PRIM2: variants seen among roughly 807,000 people sequenced by gnomAD.
PRIM2 encodes the protein DNA primase subunit 2, also known as DNA primase large subunit.
PRIM2 carries 39 observed loss-of-function variants against 67.3 expected under a neutral mutation model. The observed-to-expected ratio is 0.58, with a 90% confidence interval of 0.45 to 0.76. PRIM2 has a LOEUF of 0.76. Among genes scored for constraint, PRIM2 ranks in the 30% least tolerant of loss-of-function variants. PRIM2 has a pLI of 0.00. For synonymous variants in PRIM2, 143 were observed against 198.7 expected (o/e 0.72, Z 2.36); for missense variants, 398 against 598.7 (o/e 0.66, Z 3.50).
intron 7 of PRIM2, among the ~76,000 whole-genome samples, chr6:57,504,569 A>G (rs1285498187): frequency 5.3e-5 from 8 of 152,092 alleles, no homozygotes; most frequent in African/African-American, 1.7e-4. Flanking sequence ...GCCAAATTCT[A>G]TGATGGTTCC....
chr6:57,367,661 G>C (rs1224753651), intron 5 of PRIM2, among the ~76,000 whole-genome samples: 1 of 152,178 alleles, frequency 6.6e-6, no homozygotes, highest in African/African-American at 2.4e-5. Flanking sequence ...TTGACAACTA[G>C]TCTGGTCTAG....
the PRIM2 span, among the ~76,000 whole-genome samples, chr6:57,242,857 A>G: frequency 6.6e-6 from 1 of 152,192 alleles, no homozygotes; most frequent in African/African-American, 2.4e-5. Flanking sequence ...GTTTGCCTTG[A>G]GTTTTGTGCT....
the PRIM2 span, chr6:57,222,038 G>C: frequency 2.0e-5 from 3 of 152,396 alleles, no homozygotes; most frequent in Admixed American, 6.5e-5. Flanking sequence ...CCCACCGGCC[G>C]CGGACCCGCC....
the PRIM2 span, among the ~76,000 whole-genome samples, chr6:57,224,396 T>C: frequency 6.6e-6 from 1 of 152,052 alleles, no homozygotes; most frequent in African/African-American, 2.4e-5. Flanking sequence ...GTCAAATTCA[T>C]AGAGACAGTT....
At chr6:57,582,320 G>A (rs1428571870) in intron 10 of PRIM2, among the ~76,000 whole-genome samples, 3 of 152,110 alleles carry the variant, frequency 2.0e-5, no homozygotes, top group South Asian at 2.1e-4. Flanking sequence ...AAGCAATGGC[G>A]TGTTCTATAT....
At chr6:57,329,130 G>GT (rs554242555) in intron 5 of PRIM2, among the ~76,000 whole-genome samples, 17,744 of 146,224 alleles carry the variant, frequency 0.12, 1,121 homozygotes, top group African/African-American at 0.15. Context: ...CAACAAAAAG[G>GT]TTTTTTTTTT....
At chr6:57,643,969 A>C (rs1331719991) in intron 13 of PRIM2, among the ~76,000 whole-genome samples, 2 of 152,222 alleles carry the variant, frequency 1.3e-5, no homozygotes, top group Non-Finnish European at 2.9e-5. Flanking sequence ...TGGTCCGTCC[A>C]CCAGTAGGGT....
At chr6:57,399,790 A>G (rs1397754846) in intron 7 of PRIM2, among the ~76,000 whole-genome samples, 2 of 151,998 alleles carry the variant, frequency 1.3e-5, no homozygotes, top group Admixed American at 1.3e-4. Flanking sequence ...TCTGATGGCC[A>G]GTGATGATGA....
chr6:57,279,714 G>A, the PRIM2 span, among the ~76,000 whole-genome samples: 5 of 152,208 alleles, frequency 3.3e-5, no homozygotes, highest in Non-Finnish European at 5.9e-5. Context: ...AGGCTCCAAA[G>A]CCTGGATAAT....
At chr6:57,433,623 C>T (rs1205699075) in intron 7 of PRIM2, among the ~76,000 whole-genome samples, 3 of 152,014 alleles carry the variant, frequency 2.0e-5, no homozygotes, top group African/African-American at 4.8e-5. Flanking sequence ...TACATTATAA[C>T]CTTAAAGAGC....
At chr6:57,460,193 C>T (rs981782637) in intron 7 of PRIM2, among the ~76,000 whole-genome samples, 17 of 149,028 alleles carry the variant, frequency 1.1e-4, no homozygotes, top group African/African-American at 4.2e-4. Flanking sequence ...AAAAGTAGAA[C>T]ATTTTACTTA....
At chr6:57,616,233 G>C (rs1438748154) in intron 12 of PRIM2, among the ~76,000 whole-genome samples, 31 of 152,172 alleles carry the variant, frequency 2.0e-4, no homozygotes, top group Non-Finnish European at 4.4e-4. Flanking sequence ...TGTGATGGAG[G>C]CTTTACACAA....
chr6:57,513,631 C>T lies in PRIM2; in HGVS notation c.761+6177C>T, dbSNP rs1554347925. Reference sequence around the variant, plus strand: ...ATTATTGGCTGGACGCGGTGGCTTACGCCTGTAAACCCAGCACTTTGGGAG... The same window carrying T: ...ATTATTGGCTGGACGCGGTGGCTTATGCCTGTAAACCCAGCACTTTGGGAG... On this transcript the variant is annotated intron_variant, in intron 8 of 13. Transcript: ENST00000615550. 3.5e-4 allele frequency among the ~76,000 whole-genome samples: 53 copies of T among 152,332 alleles called. No individual in the cohort carries two copies. In the South Asian group the frequency reaches 8.9e-3, roughly 26 times the overall value.
At chr6:57,409,490 A>G (rs1463792568) in intron 7 of PRIM2, among the ~76,000 whole-genome samples, 32 of 152,052 alleles carry the variant, frequency 2.1e-4, no homozygotes, top group Non-Finnish European at 4.1e-4. Flanking sequence ...AATACTTTTA[A>G]GGAGGATTGC....
intron 7 of PRIM2, among the ~76,000 whole-genome samples, chr6:57,467,587 T>C (rs1241894108): frequency 1.3e-5 from 2 of 152,200 alleles, no homozygotes; most frequent in East Asian, 3.8e-4. Flanking sequence ...TCTTTTTGCT[T>C]AGGATTGTCT....
the PRIM2 span, among the ~76,000 whole-genome samples, chr6:57,233,406 T>C: frequency 1.5e-4 from 23 of 152,246 alleles, no homozygotes; most frequent in Non-Finnish European, 1.9e-4. Context: ...ATCTAGACTA[T>C]GTACTATTTT....
chr6:57,408,297 G>A (rs1222540259), intron 7 of PRIM2, among the ~76,000 whole-genome samples: 1 of 152,174 alleles, frequency 6.6e-6, no homozygotes, highest in African/African-American at 2.4e-5. Flanking sequence ...CAGAGCCAGA[G>A]GGAGAGGGGG....
the PRIM2 span, among the ~76,000 whole-genome samples, chr6:57,258,829 C>T: frequency 1.3e-5 from 2 of 152,134 alleles, no homozygotes; most frequent in Non-Finnish European, 2.9e-5. Context: ...CCATCTCCTC[C>T]GCTCCCAGAA....
chr6:57,300,721 C>T, the PRIM2 span, among the ~76,000 whole-genome samples: 1 of 152,082 alleles, frequency 6.6e-6, no homozygotes, highest in Non-Finnish European at 1.5e-5. Context: ...CTGGTTTGGC[C>T]TTTAGAAACA....
Sources: allele counts gnomAD v4.1 joint callset (sites outside exome capture counted in the v4.1 genomes callset), GRCh38; gene constraint gnomAD v4.1.1; transcripts MANE v1.5; gene names NCBI Gene and HGNC (gene_info 2026-07-23, HGNC 2026-07-21).